Variants in BRD8 observed in about 807,000 individuals in gnomAD.
The protein encoded by BRD8 is bromodomain containing 8, also known as bromodomain-containing protein 8.
Under a neutral mutation model 143.1 loss-of-function variants are expected in BRD8, and 67 were observed. The ratio of observed to expected loss-of-function variants is 0.47; its 90% CI spans 0.38 to 0.57. The LOEUF (loss-of-function observed/expected upper bound fraction) is 0.57, where lower values mean the gene tolerates loss of function less well. BRD8 is among the 20% of genes least tolerant of loss of function. The pLI, the probability that BRD8 is intolerant of heterozygous loss-of-function variation, is 0.00. For missense variants in BRD8, 1,103 were observed against 1,503.0 expected (o/e 0.73, Z 4.40); for synonymous variants, 505 against 517.1 (o/e 0.98, Z 0.32).
chr5:138,164,698 G>C lies in BRD8; in HGVS notation c.1731+16C>G, dbSNP rs372684516. 3 of 1,612,720 alleles carry C rather than the reference G, an allele frequency of 1.9e-6. No individual in the cohort carries two copies. The highest frequency in any genetic ancestry group is 1.3e-5 in the African/African-American group (1 of 74,820). The stretch of plus-strand genomic sequence containing the variant: ...TATAAACCTCCATCTCCCCAGCCCC[G>C]ATCTTTCTTAAGTACCTCTGTCTTC... On this transcript the variant is annotated intron_variant, in intron 12 of 26. Coordinates refer to ENST00000254900, the MANE Select transcript of BRD8 (RefSeq NM_139199.2).
In BRD8 at chr5:138,171,185, T is replaced by A. The variant is rs780214995; in HGVS notation, c.237-25A>T. The A allele has an allele frequency of 5.7e-6, 9 of 1,576,820 alleles. No homozygotes were observed. In the East Asian group the frequency reaches 1.3e-4, roughly 24 times the overall value. ...TCTGTGGAAAATTGAAAAAAAAAAA[T>A]TCATATTCAAATAACATAACATTTA... On this transcript the variant is annotated intron_variant, in intron 4 of 26. Transcript: ENST00000254900.
At chr5:138,176,391 A>C (rs948568913) in intron 2 of BRD8, among the ~76,000 whole-genome samples, 7 of 152,058 alleles carry the variant, frequency 4.6e-5, no homozygotes, top group African/African-American at 1.7e-4. Context: ...ACCAGCCTGG[A>C]CAAAACCTCA....
intron 8 of BRD8, chr5:138,168,646 G>A (rs746964255): frequency 1.2e-6 from 2 of 1,603,010 alleles, no homozygotes; most frequent in Non-Finnish European, 1.7e-6. Context: ...GGAATCCCAG[G>A]AAACGAGGTG....
rs1337652818 is a variant in BRD8 at position 138,144,916 on chromosome 5, A to ATATAT, written c.3437+260_3437+261insATATA. Reference sequence around the variant, plus strand: ...ACCCTGTCAAAAAAAAAAAAAAAAAAAAATATATATATATATAGAATGGAT... The same window carrying ATATAT: ...ACCCTGTCAAAAAAAAAAAAAAAAAATATATAAATATATATATATATAGAATGGAT... On this transcript the variant is annotated intron_variant, in intron 25 of 26. Coordinates refer to ENST00000254900, the MANE Select transcript of BRD8 (RefSeq NM_139199.2). 2.0e-3 allele frequency among the ~76,000 whole-genome samples: 271 copies of ATATAT among 135,146 alleles called. 1 individual carries two copies. The highest frequency in any genetic ancestry group is 7.4e-3 in the African/African-American group (255 of 34,558). 88.7% of individuals were successfully genotyped at this position (135,146 alleles called of 152,430 possible). A position where few individuals can be genotyped will look rare whatever the true frequency, so the allele number is the denominator to read the frequency against.
At chr5:138,177,774 C>G in intron 1 of BRD8, 107 bp from the exon 2 acceptor site, 1 of 625,000 alleles carries the variant, frequency 1.6e-6, no homozygotes, top group South Asian at 2.1e-5. Flanking sequence ...ACAAAACATC[C>G]CAACTTGTTA....
Position 138,163,568 on chromosome 5 carries a change from A to G in BRD8, c.1873-224T>C, listed in dbSNP as rs1029623387. On this transcript the variant is annotated intron_variant, in intron 14 of 26. Coordinates refer to ENST00000254900, the MANE Select transcript of BRD8 (RefSeq NM_139199.2). ...TACCCAGGATCTTTTAAAAAGAAAG[A>G]AAAAAAAAAGCTACTTACTTAAGAC... 5.2e-6 allele frequency: 7 copies of G among 1,333,458 alleles called. No individual in the cohort carries two copies. The East Asian group carries it at 9.6e-5, about 18-fold the overall frequency. The allele number at this position is 1,333,458 out of a possible 1,614,324, so 82.6% of individuals were successfully genotyped here.
chr5:138,171,172 T>TA lies in BRD8; in HGVS notation c.237-13_237-12insT. 2 of 1,591,446 alleles carry TA rather than the reference T, an allele frequency of 1.3e-6. No homozygotes were observed. The highest frequency in any genetic ancestry group is 3.7e-5 in the Admixed American group (2 of 54,216). On this transcript the variant is annotated splice_polypyrimidine_tract_variant and intron_variant, in intron 4 of 26. Transcript: ENST00000254900. ...CACCTCGTTTCCGTCTGTGGAAAATTGAAAAAAAAAAATTCATATTCAAAT... is the reference window on the plus strand; with the variant it reads ...CACCTCGTTTCCGTCTGTGGAAAATTAGAAAAAAAAAAATTCATATTCAAAT...
Position 138,177,645 on chromosome 5 carries a change from GC to G in BRD8, c.41del (p.Gly14AlafsTer14). On this transcript the variant is annotated frameshift_variant, in exon 2 of 27. Coordinates refer to ENST00000254900, the MANE Select transcript of BRD8 (RefSeq NM_139199.2). LOFTEE classifies it high-confidence loss of function. ...CTCGGATGGACCATGGCTCTGTGGG[GC>G]CAGTGCTTAGCAGCTTGTGTTCTGG... ...GTGKHKLLST[G>X]PTEPWSIREK... The G allele has an allele frequency of 6.2e-7, 1 of 1,603,422 alleles. No homozygotes were observed. Among genetic ancestry groups the G allele is most frequent in the Non-Finnish European group, 8.5e-7 (1 of 1,175,240 alleles).
chr5:138,141,495 A>G (rs1751908257), intron 25 of BRD8, among the ~76,000 whole-genome samples: 1 of 152,198 alleles, frequency 6.6e-6, no homozygotes, highest in African/African-American at 2.4e-5. Context: ...ACTGAAAGGC[A>G]CACAGCCTGA....
chr5:138,146,352 C>G (rs1198979422), intron 23 of BRD8, among the ~76,000 whole-genome samples: 1 of 145,788 alleles, frequency 6.9e-6, no homozygotes, highest in African/African-American at 2.5e-5. Flanking sequence ...ACCACCATGC[C>G]CAGCCAATTT....
rs150159308 is a variant in BRD8, at chr5:138,152,558, C to G, written c.2780G>C (p.Gly927Ala). Residue 927 changes from glycine to alanine, a missense_variant, in exon 21 of 27, where the codon GGG becomes GCG. Coordinates refer to ENST00000254900, the MANE Select transcript of BRD8 (RefSeq NM_139199.2). Reference sequence around the variant, plus strand: ...CTGAGATTCCTCACTGCCTCCATCCCCAACAAGCAGTTCACTAGGTTCTCT... The same window carrying G: ...CTGAGATTCCTCACTGCCTCCATCCGCAACAAGCAGTTCACTAGGTTCTCT... ...PEREPSELLV[G>A]DGGSEESQEA... is the part of the protein sequence containing the mutation. 4 of 1,614,086 alleles carry G rather than the reference C, an allele frequency of 2.5e-6. No homozygotes were observed. Among genetic ancestry groups the G allele is most frequent in the Non-Finnish European group, 3.4e-6 (4 of 1,180,048 alleles).
intron 21 of BRD8, among the ~76,000 whole-genome samples, chr5:138,151,859 AATTT>A (rs1341064553): frequency 2.0e-5 from 3 of 148,862 alleles, no homozygotes; most frequent in Non-Finnish European, 4.4e-5. Context: ...AATTTTAATT[AATTT>A]ATTTATTTAG....
At position 138,166,685 on chromosome 5, in the gene BRD8, T is replaced by C; in HGVS notation, c.830A>G (p.Gln277Arg). 6.2e-7 allele frequency: 1 copy of C among 1,613,902 alleles called. No homozygotes were observed. Reference protein sequence around the residue: ...LSRLLEAGPTQFTTPLASFTT... With the variant: ...LSRLLEAGPTRFTTPLASFTT... Reference sequence around the variant, plus strand: ...GAAGGAAGCAAGAGGTGTGGTGAACTGTGTAGGACCAGCTTCTAAAAGCCG... The same window carrying C: ...GAAGGAAGCAAGAGGTGTGGTGAACCGTGTAGGACCAGCTTCTAAAAGCCG... The change falls in exon 10 of 27, where the codon CAG (glutamine) becomes CGG (arginine). Residue 277 changes from glutamine (Q) to arginine (R), a missense_variant. Transcript: ENST00000254900.
chr5:138,148,034 C>G (rs527720145), intron 23 of BRD8, among the ~76,000 whole-genome samples: 1 of 151,392 alleles, frequency 6.6e-6, no homozygotes, highest in African/African-American at 2.4e-5. Context: ...ATTATCTATA[C>G]AAAGATGAGA....
In BRD8 at chr5:138,172,559, G is replaced by A. The variant is rs182348814; in HGVS notation, c.117-425C>T. Among the ~76,000 whole-genome samples the A allele has an allele frequency of 3.6e-3, 489 of 135,224 alleles. 1 individual carries two copies. The highest frequency in any genetic ancestry group is 0.013 in the Middle Eastern group (3 of 228). The allele number at this position is 135,224 out of a possible 152,430, so 88.7% of individuals were successfully genotyped here. ...AAAAAAAAAAAAAGCCAATGAATGCGAGGTGTGCAATGGACCGTGCCTGTA... is the reference window on the plus strand; with the variant it reads ...AAAAAAAAAAAAAGCCAATGAATGCAAGGTGTGCAATGGACCGTGCCTGTA... On this transcript the variant is annotated intron_variant, in intron 2 of 26. Transcript: ENST00000254900.
At chr5:138,173,763 T>A (rs1428373781) in intron 2 of BRD8, among the ~76,000 whole-genome samples, 1 of 152,172 alleles carries the variant, frequency 6.6e-6, no homozygotes, top group Non-Finnish European at 1.5e-5. Context: ...CAGTTTCTCT[T>A]ATGTTGCCTC....
intron 20 of BRD8, among the ~76,000 whole-genome samples, chr5:138,153,678 T>TC (rs1752457363): frequency 2.2e-5 from 2 of 89,516 alleles, no homozygotes; most frequent in African/African-American, 9.3e-5. Flanking sequence ...CTTTTCTTTT[T>TC]TTTTTTTTTT....
chr5:138,161,697 A>T, intron 17 of BRD8, 99 bp downstream of exon 17: 1 of 1,244,756 alleles, frequency 8.0e-7, no homozygotes, highest in Non-Finnish European at 1.1e-6. Flanking sequence ...AAAACCATAA[A>T]CTTACTTGCT....
rs771114782 is a variant in BRD8, at chr5:138,150,903, C to T, written c.2962G>A (p.Glu988Lys). Residue 988 changes from glutamate (E) to lysine (K), a missense_variant, in exon 22 of 27, where the codon GAA becomes AAA. Transcript: ENST00000254900. Reference protein sequence around the residue: ...RQEGREIKASEGERELCRETE... With the variant: ...RQEGREIKASKGERELCRETE... ...TCTCTGCAGAGCTCCCTTTCTCCTT[C>T]GCTAGCTTTAATTTCCCTTCCTTCT... 2.0e-5 allele frequency: 32 copies of T among 1,614,184 alleles called. No homozygotes were observed. Among genetic ancestry groups the T allele is most frequent in the Middle Eastern group, 1.7e-4 (1 of 6,058 alleles).
Sources: gnomAD v4.1 joint callset for allele counts (sites outside exome capture counted in the v4.1 genomes callset) on GRCh38, gnomAD v4.1.1 for gene constraint, MANE v1.5 for transcripts, NCBI Gene and HGNC (gene_info 2026-07-23, HGNC 2026-07-21) for gene names.